The following NRXN3 variants were observed in gnomAD, a reference collection of about 807,000 sequenced individuals.
The protein encoded by NRXN3 is neurexin 3.
Under a neutral mutation model 137.6 loss-of-function variants are expected in NRXN3, and 32 were observed. The ratio of observed to expected loss-of-function variants is 0.23; its 90% CI spans 0.18 to 0.31. The LOEUF (loss-of-function observed/expected upper bound fraction) is 0.31. Among genes scored for constraint, NRXN3 ranks in the 10% least tolerant of loss-of-function variants. The probability of loss-of-function intolerance (pLI) is 1.00; values close to 1 mark genes in which losing one functional copy is unlikely to be tolerated. For missense variants in NRXN3, 1,574 were observed against 2,062.5 expected (o/e 0.76, Z 4.59); for synonymous variants, 798 against 784.5 (o/e 1.02, Z -0.29).
intron 1 of NRXN3, among the ~76,000 whole-genome samples, chr14:78,228,570 T>C (rs562457609): frequency 3.9e-5 from 6 of 152,230 alleles, no homozygotes; most frequent in African/African-American, 1.4e-4. Context: ...TGGGAGCCTA[T>C]TGCATTTTAT....
chr14:78,335,447 A>T (rs2081350271), intron 4 of NRXN3, among the ~76,000 whole-genome samples: 1 of 152,228 alleles, frequency 6.6e-6, no homozygotes, highest in Admixed American at 6.5e-5. Flanking sequence ...AAGCTGAGCC[A>T]GGCTCCCTTT....
intron 4 of NRXN3, among the ~76,000 whole-genome samples, chr14:78,308,721 C>T (rs2077623448): frequency 3.9e-5 from 6 of 151,918 alleles, no homozygotes; most frequent in Admixed American, 3.9e-4. Context: ...AAATCTCAAA[C>T]CTCAAATACT....
chr14:79,541,097 T>G (rs2153733798), intron 16 of NRXN3, among the ~76,000 whole-genome samples: 1 of 152,266 alleles, frequency 6.6e-6, no homozygotes, highest in African/African-American at 2.4e-5. Flanking sequence ...CTTTTCTGCC[T>G]GTATCTTCTC....
At chr14:78,457,121 C>T (rs184075405) in intron 4 of NRXN3, among the ~76,000 whole-genome samples, 1 of 151,382 alleles carries the variant, frequency 6.6e-6, no homozygotes, top group East Asian at 2.0e-4. Flanking sequence ...TCACTGCAAC[C>T]TCTGTCTCCT....
At chr14:78,872,327 T>G (rs2099103528) in intron 10 of NRXN3, among the ~76,000 whole-genome samples, 1 of 149,032 alleles carries the variant, frequency 6.7e-6, no homozygotes, top group Non-Finnish European at 1.5e-5. Context: ...TTCTAAGGGC[T>G]TTATGTTGTA....
At position 78,646,927 on chromosome 14, in the gene NRXN3, T is replaced by C. The variant is rs137996545; in HGVS notation, c.1059+1506T>C. On this transcript the variant is annotated intron_variant, in intron 5 of 20. Coordinates refer to ENST00000335750, the MANE Select transcript of NRXN3 (RefSeq NM_001330195.2). ...CTTGTTACATGAGAGCTGCAGAGAC[T>C]AGACCTAAAAGTGAAATACAACCTT... is the stretch of plus-strand genomic sequence containing the variant. 7.2e-5 allele frequency among the ~76,000 whole-genome samples: 11 copies of C among 152,346 alleles called. No homozygotes were observed. In the East Asian group the frequency reaches 1.7e-3, roughly 24 times the overall value.
intron 4 of NRXN3, among the ~76,000 whole-genome samples, chr14:78,350,897 C>T (rs1305142812): frequency 6.6e-6 from 1 of 152,050 alleles, no homozygotes; most frequent in African/African-American, 2.4e-5. Flanking sequence ...AATACAAACC[C>T]CTAAAACCCC....
At chr14:79,656,193 C>T (rs529596917) in intron 16 of NRXN3, among the ~76,000 whole-genome samples, 145 of 152,286 alleles carry the variant, frequency 9.5e-4, no homozygotes, top group Non-Finnish European at 1.5e-3. Context: ...TGGGTGGTTC[C>T]TCACAGCTGT....
In NRXN3 at chr14:79,113,353, G is replaced by A. The variant is rs192984598; in HGVS notation, c.3262+125212G>A. Among the ~76,000 whole-genome samples, 11 of 152,210 alleles carry A rather than the reference G, an allele frequency of 7.2e-5. No individual in the cohort carries two copies. In the East Asian group the frequency reaches 2.1e-3, roughly 29 times the overall value. ...GGGACCTTTTGAATGTCTCCACCAT[G>A]GGAACAAAGGCTAAGTAAAGCAGTG... On this transcript the variant is annotated intron_variant, in intron 15 of 20. Transcript: ENST00000335750.
intron 15 of NRXN3, among the ~76,000 whole-genome samples, chr14:79,399,065 C>T (rs1197309734): frequency 6.6e-6 from 1 of 150,468 alleles, no homozygotes; most frequent in Admixed American, 6.6e-5. Flanking sequence ...TTCATTATTC[C>T]TCAAAGAAGG....
At chr14:79,719,825 TTATC>T (rs1456101177) in intron 19 of NRXN3, among the ~76,000 whole-genome samples, 1 of 152,012 alleles carries the variant, frequency 6.6e-6, no homozygotes, top group Non-Finnish European at 1.5e-5. Flanking sequence ...GCATGCTTGT[TTATC>T]TATAAAATGA....
chr14:78,601,881 A>G (rs192991534), intron 4 of NRXN3, among the ~76,000 whole-genome samples: 112 of 152,348 alleles, frequency 7.4e-4, no homozygotes, highest in Non-Finnish European at 1.3e-3. Context: ...GTCTTGGTTC[A>G]TAACATGCTC....
chr14:79,064,119 T>C lies in NRXN3; in HGVS notation c.3262+75978T>C, dbSNP rs531177195. Among the ~76,000 whole-genome samples, 4 of 152,302 alleles carry C rather than the reference T, an allele frequency of 2.6e-5. No homozygotes were observed. The South Asian group carries it at 6.2e-4, about 24-fold the overall frequency. Reference sequence around the variant, plus strand: ...CAGCTCTTGAGCCATCTTAAACTACTAATCAATTTCTCATAATCATCAGTG... The same window carrying C: ...CAGCTCTTGAGCCATCTTAAACTACCAATCAATTTCTCATAATCATCAGTG... On this transcript the variant is annotated intron_variant, in intron 15 of 20. Coordinates refer to ENST00000335750, the MANE Select transcript of NRXN3 (RefSeq NM_001330195.2).
intron 16 of NRXN3, among the ~76,000 whole-genome samples, chr14:79,577,609 A>T (rs1298812992): frequency 1.3e-5 from 2 of 152,308 alleles, no homozygotes; most frequent in South Asian, 4.1e-4. Context: ...TACAGTGACT[A>T]TGTATATGTG....
chr14:79,195,059 C>T (rs1182362128), intron 15 of NRXN3, among the ~76,000 whole-genome samples: 1 of 151,988 alleles, frequency 6.6e-6, no homozygotes, highest in East Asian at 1.9e-4. Context: ...GCTCCTTTTC[C>T]CTCCCCTTCT....
intron 15 of NRXN3, among the ~76,000 whole-genome samples, chr14:79,026,695 T>C (rs1187121641): frequency 6.6e-6 from 1 of 152,002 alleles, no homozygotes; most frequent in African/African-American, 2.4e-5. Flanking sequence ...TGTTGACCCA[T>C]GGATACTAAG....
chr14:79,661,269 A>T (rs1295944300), intron 16 of NRXN3, among the ~76,000 whole-genome samples: 2 of 152,160 alleles, frequency 1.3e-5, no homozygotes, highest in African/African-American at 4.8e-5. Context: ...CAGAGAACAG[A>T]ACATGGGGAT....
At chr14:78,371,686 C>A (rs1454923356) in intron 4 of NRXN3, among the ~76,000 whole-genome samples, 3 of 152,238 alleles carry the variant, frequency 2.0e-5, no homozygotes, top group Non-Finnish European at 4.4e-5. Flanking sequence ...TGTGCTCCAT[C>A]CCATGTGGGG....
chr14:79,705,462 A>C (rs2098773908), intron 19 of NRXN3, among the ~76,000 whole-genome samples: 1 of 152,204 alleles, frequency 6.6e-6, no homozygotes, highest in African/African-American at 2.4e-5. Flanking sequence ...TTTTCATCTT[A>C]AAATTGATAT....
Sources: allele counts gnomAD v4.1 joint callset (sites outside exome capture counted in the v4.1 genomes callset), GRCh38; gene constraint gnomAD v4.1.1; transcripts MANE v1.5; gene names NCBI Gene and HGNC (gene_info 2026-07-23, HGNC 2026-07-21).